IL2RB: variants seen among roughly 807,000 people sequenced by gnomAD.
IL2RB encodes the protein interleukin-2 receptor subunit beta.
A neutral mutation model predicts 44.2 loss-of-function variants in IL2RB; 17 were observed. The ratio of observed to expected loss-of-function variants is 0.38; its 90% CI spans 0.26 to 0.58. The LOEUF (loss-of-function observed/expected upper bound fraction) is 0.58. Among genes scored for constraint, IL2RB ranks in the 20% least tolerant of loss-of-function variants. The pLI, the probability that IL2RB is intolerant of heterozygous loss-of-function variation, is 0.63. For synonymous variants in IL2RB, 286 were observed against 297.9 expected (o/e 0.96, Z 0.41); for missense variants, 624 against 685.5 (o/e 0.91, Z 1.00).
At chr22:37,159,006 T>C (rs5995389) in intron 1 of IL2RB, among the ~76,000 whole-genome samples, 46,590 of 152,228 alleles carry the variant, frequency 0.31, 7,238 homozygotes, top group Non-Finnish European at 0.33. Context: ...TGTCCTGTGA[T>C]GGGGACAGTC....
intron 3 of IL2RB, among the ~76,000 whole-genome samples, 199 bp downstream of exon 3, chr22:37,143,322 G>A (rs942750412): frequency 3.9e-5 from 6 of 152,126 alleles, no homozygotes; most frequent in Non-Finnish European, 7.4e-5. Flanking sequence ...GGTTCTAGAA[G>A]TCTAAATAGC....
Position 37,156,279 on chromosome 22 carries a change from G to A in IL2RB, c.-33-12074C>T, listed in dbSNP as rs229482. On this transcript the variant is annotated intron_variant, in intron 1 of 5. Coordinates refer to the IL2RB transcript ENST00000429622. ...TGAACTTCCACCTCAGCTCACCCGC[G>A]TGCTGCCATCACCGCCTCCACTGTA... Among the ~76,000 whole-genome samples, 1,062 of 152,294 alleles carry A rather than the reference G, an allele frequency of 7.0e-3. 14 individuals are homozygous for A. Among genetic ancestry groups the A allele is most frequent in the African/African-American group, 0.023 (949 of 41,550 alleles).
rs970950828 is a variant in IL2RB at position 37,144,456 on chromosome 22, C to G, written c.-33-251G>C. Among the ~76,000 whole-genome samples, 5 of 152,342 alleles carry G rather than the reference C, an allele frequency of 3.3e-5. No individual in the cohort carries two copies. The East Asian group carries it at 9.6e-4, about 29-fold the overall frequency. On this transcript the variant is annotated intron_variant, in intron 1 of 9. Coordinates refer to ENST00000216223, the MANE Select transcript of IL2RB (RefSeq NM_000878.5). Reference sequence around the variant, plus strand: ...TTTGACTAGACTACATAAAGAAGCACCCGTCGTGGCCAGGCGTGTGGCTCA... The same window carrying G: ...TTTGACTAGACTACATAAAGAAGCAGCCGTCGTGGCCAGGCGTGTGGCTCA...
intron 1 of IL2RB, among the ~76,000 whole-genome samples, chr22:37,168,990 T>G (rs1254953664): frequency 1.3e-5 from 2 of 151,750 alleles, no homozygotes; most frequent in Non-Finnish European, 2.9e-5. Flanking sequence ...GGGGTCCTTG[T>G]TTACAGAGGG....
chr22:37,140,764 T>C (rs1036691459), intron 4 of IL2RB, among the ~76,000 whole-genome samples: 1 of 152,202 alleles, frequency 6.6e-6, no homozygotes, highest in Non-Finnish European at 1.5e-5. Flanking sequence ...TACACTCATA[T>C]GGACATGGCC....
At chr22:37,168,554 C>A (rs540057446) in intron 1 of IL2RB, among the ~76,000 whole-genome samples, 1 of 152,208 alleles carries the variant, frequency 6.6e-6, no homozygotes, top group Non-Finnish European at 1.5e-5. Flanking sequence ...CTGAAACATG[C>A]GACTACTCCC....
intron 4 of IL2RB, among the ~76,000 whole-genome samples, chr22:37,140,320 ATTATTATTAC>A (rs1447567768): frequency 3.0e-5 from 4 of 131,488 alleles, no homozygotes; most frequent in Admixed American, 7.2e-5. Flanking sequence ...TATTATTATT[ATTATTATTAC>A]TATTATTGTT....
rs773498163 is a variant in IL2RB, at chr22:37,139,157, C to A, written c.348G>T (p.Trp116Cys). ...LRVLCREGVRWRVMAIQDFKP... is the reference protein window; with the variant it reads ...LRVLCREGVRCRVMAIQDFKP... ...TGAAGTCCTGGATGGCCATCACCCT[C>A]CATCGCACCCCCTCACGGCACAGCA... Residue 116 changes from tryptophan (W) to cysteine (C), a missense_variant, in exon 5 of 10, where the codon TGG becomes TGT. This residue lies in a region of IL2RB where 255 missense variants were observed against 339.9 expected (regional missense o/e 0.75). Coordinates refer to ENST00000216223, the MANE Select transcript of IL2RB (RefSeq NM_000878.5). 85 of 1,613,928 alleles carry A rather than the reference C, an allele frequency of 5.3e-5. 2 individuals are homozygous for A. In the Admixed American group the frequency reaches 1.2e-3, roughly 23 times the overall value.
At chr22:37,140,208 C>G (rs1320224183) in intron 4 of IL2RB, among the ~76,000 whole-genome samples, 2 of 152,066 alleles carry the variant, frequency 1.3e-5, no homozygotes, top group Non-Finnish European at 2.9e-5. Flanking sequence ...CTGGCCAGTT[C>G]CTCTCCACCC....
chr22:37,154,219 G>T (rs186739674), upstream of IL2RB, among the ~76,000 whole-genome samples: 941 of 152,336 alleles, frequency 6.2e-3, 2 homozygotes, highest in Non-Finnish European at 8.9e-3. Flanking sequence ...GACAGGGGAT[G>T]GAGCCGGTTT....
chr22:37,136,741 T>C (rs1475488202), intron 6 of IL2RB, among the ~76,000 whole-genome samples: 1 of 152,132 alleles, frequency 6.6e-6, no homozygotes. Context: ...CGCTGCAGTC[T>C]AGTCTCCACA....
At chr22:37,132,773 C>T (rs903864096) in intron 8 of IL2RB, among the ~76,000 whole-genome samples, 2 of 152,188 alleles carry the variant, frequency 1.3e-5, no homozygotes, top group Middle Eastern at 3.4e-3. Flanking sequence ...CTACACAAGA[C>T]GGGGAGGTGG....
intron 1 of IL2RB, among the ~76,000 whole-genome samples, chr22:37,155,220 A>C (rs1457848724): frequency 6.6e-6 from 1 of 152,132 alleles, no homozygotes; most frequent in African/African-American, 2.4e-5. Flanking sequence ...TGCCCTGCTC[A>C]GAGCCGTGTC....
intron 5 of IL2RB, among the ~76,000 whole-genome samples, chr22:37,138,249 A>G (rs1045326668): frequency 3.3e-5 from 5 of 152,222 alleles, no homozygotes; most frequent in Non-Finnish European, 7.3e-5. Flanking sequence ...AGTTAAATGA[A>G]TCTCAGTTTC....
intron 1 of IL2RB, among the ~76,000 whole-genome samples, chr22:37,171,525 C>T (rs1923285224): frequency 6.6e-6 from 1 of 152,072 alleles, no homozygotes; most frequent in South Asian, 2.1e-4. Flanking sequence ...ATCAGGAGCA[C>T]AATTTTAAAC....
intron 1 of IL2RB, among the ~76,000 whole-genome samples, chr22:37,148,285 G>A (rs1194605200): frequency 6.6e-6 from 1 of 152,216 alleles, no homozygotes; most frequent in Non-Finnish European, 1.5e-5. Context: ...AGTCACTGAG[G>A]CTGCACCCTC....
At chr22:37,148,750 C>G (rs561157516) in intron 1 of IL2RB, among the ~76,000 whole-genome samples, 2 of 152,162 alleles carry the variant, frequency 1.3e-5, no homozygotes, top group South Asian at 4.2e-4. Context: ...GACTAAGAAA[C>G]GGGTCAACCT....
In IL2RB at chr22:37,126,544, C is replaced by A. The variant is rs1248108589; in HGVS notation, c.*1552G>T. The A allele has an allele frequency of 6.6e-6, 1 of 152,192 alleles. No individual in the cohort carries two copies. The highest frequency in any genetic ancestry group is 1.5e-5 in the Non-Finnish European group (1 of 68,052). The allele number at this position is 152,192 out of a possible 1,614,324, so 9.4% of individuals were successfully genotyped here. On this transcript the variant is annotated 3_prime_UTR_variant, in exon 10 of 10. Coordinates refer to ENST00000216223, the MANE Select transcript of IL2RB (RefSeq NM_000878.5). ...GTTGATCTGATTGGCTAGTTCAGGC[C>A]CAGCCTACCTGATTGGACAGAGCTT...
chr22:37,155,424 C>T (rs565540685), intron 1 of IL2RB, among the ~76,000 whole-genome samples: 2 of 152,352 alleles, frequency 1.3e-5, no homozygotes, highest in African/African-American at 4.8e-5. Context: ...CAGTAAAATC[C>T]AAACTCTCAG....
Sources: gnomAD v4.1 joint callset for allele counts (sites outside exome capture counted in the v4.1 genomes callset) on GRCh38, gnomAD v4.1.1 for gene constraint, gnomAD v4.1.1 regional missense constraint, MANE v1.5 for transcripts, NCBI Gene and HGNC (gene_info 2026-07-23, HGNC 2026-07-21) for gene names.